The following MDGA2 variants were observed in gnomAD, a reference collection of about 807,000 sequenced individuals.
The protein encoded by MDGA2 is MAM domain containing glycosylphosphatidylinositol anchor 2.
A neutral mutation model predicts 117.8 loss-of-function variants in MDGA2; 40 were observed. That is an observed-to-expected ratio of 0.34 (90% confidence interval 0.26 to 0.44). The LOEUF (loss-of-function observed/expected upper bound fraction) is 0.44, where lower values mean the gene tolerates loss of function less well. Among genes scored for constraint, MDGA2 ranks in the 20% least tolerant of loss-of-function variants. MDGA2 has a pLI of 1.00. For synonymous variants in MDGA2, 452 were observed against 439.0 expected (o/e 1.03, Z -0.37); for missense variants, 1,123 against 1,250.6 (o/e 0.90, Z 1.54).
chr14:47,076,895 T>C (rs1890516716), intron 6 of MDGA2, among the ~76,000 whole-genome samples: 2 of 152,108 alleles, frequency 1.3e-5, no homozygotes, highest in Admixed American at 6.5e-5. Flanking sequence ...ATAATTGAAA[T>C]TTATGTGACC....
rs116186094 is a variant in MDGA2 at position 47,575,924 on chromosome 14, T to G, written c.280+98593A>C. On this transcript the variant is annotated intron_variant, in intron 1 of 16. Coordinates refer to ENST00000399232, the MANE Select transcript of MDGA2 (RefSeq NM_001113498.3). ...TATATTTAGCACACAAAAACCCACA[T>G]GATGCATTTTGGAATTCAGTGCTAA... Among the ~76,000 whole-genome samples the G allele has an allele frequency of 4.3e-3, 662 of 152,324 alleles. 9 individuals carry two copies. Among genetic ancestry groups the G allele is most frequent in the African/African-American group, 0.015 (628 of 41,580 alleles).
intron 10 of MDGA2, among the ~76,000 whole-genome samples, chr14:46,907,985 C>T (rs1427106850): frequency 2.0e-5 from 3 of 152,054 alleles, no homozygotes; most frequent in Non-Finnish European, 2.9e-5. Flanking sequence ...AATTTAAAGG[C>T]AACAAAAAGA....
intron 10 of MDGA2, among the ~76,000 whole-genome samples, chr14:46,912,547 G>C (rs1026931431): frequency 2.8e-4 from 43 of 151,944 alleles, no homozygotes; most frequent in Admixed American, 2.6e-4. Context: ...TGAAAATATG[G>C]GAATACTTGT....
rs1021667781 is a variant in MDGA2, at chr14:47,096,978, A to G, written c.1071T>C (p.Thr357=). ...VRSFGTLPEK[T]VLNGGTLTIP... Reference sequence around the variant, plus strand: ...TGGTCAAAGTTCCTCCATTCAAAACAGTCTTTTCAGGCAGAGTCCCAAAGG... The same window carrying G: ...TGGTCAAAGTTCCTCCATTCAAAACGGTCTTTTCAGGCAGAGTCCCAAAGG... Residue 357 remains threonine, a synonymous_variant, in exon 6 of 17, where the codon ACT becomes ACC. Transcript: ENST00000399232. 1.2e-6 allele frequency: 2 copies of G among 1,613,394 alleles called. No individual in the cohort carries two copies. The highest frequency in any genetic ancestry group is 1.7e-6 in the Non-Finnish European group (2 of 1,179,504).
intron 2 of MDGA2, among the ~76,000 whole-genome samples, chr14:47,292,114 T>C (rs1177962913): frequency 7.3e-5 from 11 of 150,948 alleles, no homozygotes; most frequent in Admixed American, 6.6e-4. Flanking sequence ...CATAAGCTAT[T>C]ATATATCATA....
chr14:47,184,249 G>A (rs34479835), intron 3 of MDGA2, among the ~76,000 whole-genome samples: 3,263 of 151,950 alleles, frequency 0.021, 44 homozygotes, highest in Non-Finnish European at 0.031. Flanking sequence ...TAATTAAAAT[G>A]TATTAGTGGT....
chr14:47,490,660 T>C (rs181232157), intron 1 of MDGA2, among the ~76,000 whole-genome samples: 92 of 152,206 alleles, frequency 6.0e-4, no homozygotes, highest in African/African-American at 2.1e-3. Context: ...TGTTAAATTG[T>C]AGAATTTTAA....
chr14:47,171,842 G>A (rs1022898354), intron 3 of MDGA2, among the ~76,000 whole-genome samples: 1 of 152,194 alleles, frequency 6.6e-6, no homozygotes, highest in Non-Finnish European at 1.5e-5. Context: ...GCAGGGCGAG[G>A]CATTGCCTTA....
chr14:47,402,376 G>A (rs1403643467), intron 1 of MDGA2, among the ~76,000 whole-genome samples: 4 of 133,674 alleles, frequency 3.0e-5, no homozygotes, highest in Non-Finnish European at 6.2e-5. Context: ...AGAGACAAAA[G>A]GAGAAAAGAA....
At chr14:47,323,854 A>T (rs1454265456) in intron 1 of MDGA2, among the ~76,000 whole-genome samples, 1 of 152,218 alleles carries the variant, frequency 6.6e-6, no homozygotes, top group Non-Finnish European at 1.5e-5. Flanking sequence ...AGCATGGAAG[A>T]AATCGGTATG....
chr14:47,617,424 G>T (rs1896966851), intron 1 of MDGA2, among the ~76,000 whole-genome samples: 1 of 151,942 alleles, frequency 6.6e-6, no homozygotes, highest in African/African-American at 2.4e-5. Context: ...GGCTGCTCTT[G>T]AACTCCTGAC....
chr14:47,443,390 G>A (rs1051460975), intron 1 of MDGA2, among the ~76,000 whole-genome samples: 3 of 152,092 alleles, frequency 2.0e-5, no homozygotes, highest in Non-Finnish European at 4.4e-5. Flanking sequence ...GGGGATGATG[G>A]AATGTATCCC....
At chr14:46,969,931 TCC>T (rs1377516841) in intron 8 of MDGA2, among the ~76,000 whole-genome samples, 1,139 of 17,112 alleles carry the variant, frequency 0.067, 44 homozygotes, top group African/African-American at 0.23. Context: ...CTTAAAGTAT[TCC>T]ATATATATAT....
intron 1 of MDGA2, among the ~76,000 whole-genome samples, chr14:47,546,068 T>C (rs1401981424): frequency 1.3e-5 from 2 of 152,160 alleles, no homozygotes; most frequent in African/African-American, 4.8e-5. Flanking sequence ...AACAAAACTA[T>C]TATGCCAAGT....
chr14:47,460,201 G>A lies in MDGA2; in HGVS notation c.281-158651C>T, dbSNP rs553158973. Among the ~76,000 whole-genome samples, 4 of 152,136 alleles carry A rather than the reference G, an allele frequency of 2.6e-5. No individual in the cohort carries two copies. In the South Asian group the frequency reaches 8.3e-4, roughly 32 times the overall value. On this transcript the variant is annotated intron_variant, in intron 1 of 16. Coordinates refer to ENST00000399232, the MANE Select transcript of MDGA2 (RefSeq NM_001113498.3). The stretch of plus-strand genomic sequence containing the variant: ...TGCCTAATACAGAAAATATTCTGAG[G>A]ACATCTTGTTCCTGTTTTAGGCATT...
intron 1 of MDGA2, among the ~76,000 whole-genome samples, chr14:47,672,127 CTTCT>C (rs1478871007): frequency 4.6e-5 from 7 of 152,180 alleles, no homozygotes; most frequent in Admixed American, 4.6e-4. Flanking sequence ...GGGGCCTAAT[CTTCT>C]TTGAGAACCT....
chr14:46,944,425 G>T (rs573430778), intron 9 of MDGA2, among the ~76,000 whole-genome samples: 2 of 151,648 alleles, frequency 1.3e-5, no homozygotes, highest in Middle Eastern at 6.8e-3. Context: ...TTGGACTATG[G>T]TATTCTTACG....
At position 47,373,521 on chromosome 14, in the gene MDGA2, A is replaced by T. The variant is rs139588120; in HGVS notation, c.281-71971T>A. On this transcript the variant is annotated intron_variant, in intron 1 of 16. Coordinates refer to ENST00000399232, the MANE Select transcript of MDGA2 (RefSeq NM_001113498.3). ...CATGATACAGCATCAGTGAACCTTG[A>T]AAGTATTAAGCTAAATGAAAGAAGC... Among the ~76,000 whole-genome samples the T allele has an allele frequency of 5.3e-5, 8 of 152,236 alleles. No homozygotes were observed. The East Asian group carries it at 1.2e-3, about 22-fold the overall frequency.
chr14:47,634,767 A>T (rs933824287), intron 1 of MDGA2, among the ~76,000 whole-genome samples: 2 of 152,096 alleles, frequency 1.3e-5, no homozygotes, highest in African/African-American at 4.8e-5. Flanking sequence ...TGTTTTATTT[A>T]CTTTGTGACA....
Sources: allele counts gnomAD v4.1 joint callset (sites outside exome capture counted in the v4.1 genomes callset), GRCh38; gene constraint gnomAD v4.1.1; transcripts MANE v1.5; gene names NCBI Gene and HGNC (gene_info 2026-07-23, HGNC 2026-07-21).